The following KLHL5 variants were observed in gnomAD, a reference collection of about 807,000 sequenced individuals.
KLHL5 encodes the protein kelch-like protein 5.
A neutral mutation model predicts 77.7 loss-of-function variants in KLHL5; 48 were observed. The ratio of observed to expected loss-of-function variants is 0.62; its 90% confidence interval spans 0.49 to 0.79. The LOEUF (loss-of-function observed/expected upper bound fraction) is 0.79. Among genes scored for constraint, KLHL5 ranks in the 30% least tolerant of loss-of-function variants. The pLI, the probability that KLHL5 is intolerant of heterozygous loss-of-function variation, is 0.00. For missense variants in KLHL5, 723 were observed against 859.7 expected (o/e 0.84, Z 1.99); for synonymous variants, 260 against 297.0 (o/e 0.88, Z 1.28).
intron 2 of KLHL5, among the ~76,000 whole-genome samples, chr4:39,077,444 A>G (rs1170911895): frequency 2.0e-5 from 3 of 151,992 alleles, no homozygotes; most frequent in African/African-American, 7.3e-5. Context: ...CCTGGGTGAC[A>G]GAGCAAGACT....
At chr4:39,091,113 T>C (rs578037888) in intron 5 of KLHL5, among the ~76,000 whole-genome samples, 2 of 151,728 alleles carry the variant, frequency 1.3e-5, no homozygotes, top group South Asian at 4.2e-4. Context: ...CTCAGCCTTC[T>C]CAGTAGCTGG....
intron 8 of KLHL5, among the ~76,000 whole-genome samples, chr4:39,109,014 C>T (rs528904791): frequency 1.3e-5 from 2 of 152,220 alleles, no homozygotes; most frequent in Non-Finnish European, 1.5e-5. Flanking sequence ...ACCTAAAGTA[C>T]AGTTAATTGA....
At chr4:39,131,467 T>C (rs1291259794), downstream of KLHL5, among the ~76,000 whole-genome samples, 1 of 152,210 alleles carries the variant, frequency 6.6e-6, no homozygotes, top group Admixed American at 6.5e-5. Context: ...CTGGGTACCA[T>C]GTTTGAGTAG....
Position 39,108,205 on chromosome 4 carries a change from T to C in KLHL5, c.1688+474T>C, listed in dbSNP as rs549290281. On this transcript the variant is annotated intron_variant, in intron 8 of 10. Transcript: ENST00000504108. ...AAAACTGGTGAAAACTAGAATGGAT[T>C]TATAAAGAGGTACTCTCTTACCTCT... Among the ~76,000 whole-genome samples, 7 of 152,170 alleles carry C rather than the reference T, an allele frequency of 4.6e-5. No individual in the cohort carries two copies. The South Asian group carries it at 1.5e-3, about 32-fold the overall frequency.
At chr4:39,093,061 C>A (rs1440521378) in intron 5 of KLHL5, 2 of 455,256 alleles carry the variant, frequency 4.4e-6, no homozygotes, top group African/African-American at 4.0e-5. Flanking sequence ...ACGTTCTTGG[C>A]AGCTTTATTC....
the KLHL5 span, among the ~76,000 whole-genome samples, chr4:39,139,012 T>G: frequency 6.6e-6 from 1 of 152,198 alleles, no homozygotes; most frequent in Non-Finnish European, 1.5e-5. Context: ...CTGGGCGTGG[T>G]GGCTCACGCC....
At chr4:39,079,520 T>C (rs527341315) in intron 2 of KLHL5, among the ~76,000 whole-genome samples, 1 of 152,284 alleles carries the variant, frequency 6.6e-6, no homozygotes, top group Admixed American at 6.5e-5. Flanking sequence ...GAAGGCTATT[T>C]CCAGATACCT....
At chr4:39,102,139 A>G (rs565591331) in intron 6 of KLHL5, among the ~76,000 whole-genome samples, 2 of 151,456 alleles carry the variant, frequency 1.3e-5, no homozygotes, top group South Asian at 4.1e-4. Flanking sequence ...CAATAATACT[A>G]GTGCTCTGAT....
At chr4:39,093,739 C>T (rs1720805021) in intron 5 of KLHL5, among the ~76,000 whole-genome samples, 1 of 152,050 alleles carries the variant, frequency 6.6e-6, no homozygotes. Context: ...AACCCTGTCT[C>T]TACTAAAAAT....
chr4:39,046,844 G>C (rs1430362), intron 1 of KLHL5, among the ~76,000 whole-genome samples: 110,980 of 152,096 alleles, frequency 0.73, 40,625 homozygotes, highest in East Asian at 0.82. Flanking sequence ...TTCTGAAGGA[G>C]TGGAGTCACT....
intron 6 of KLHL5, among the ~76,000 whole-genome samples, chr4:39,100,116 A>C (rs775337335): frequency 7.2e-5 from 11 of 152,154 alleles, no homozygotes; most frequent in East Asian, 1.9e-4. Flanking sequence ...AACTTGGTAC[A>C]TGGAAAGGGA....
chr4:39,093,619 G>A (rs138109912), intron 5 of KLHL5, among the ~76,000 whole-genome samples: 75 of 151,664 alleles, frequency 4.9e-4, no homozygotes, highest in African/African-American at 1.4e-3. Flanking sequence ...AGAAATCTAT[G>A]AAGGGGCAAG....
At position 39,086,581 on chromosome 4, in the gene KLHL5, C is replaced by A; in HGVS notation, c.967C>A (p.Leu323Ile). 6.2e-7 allele frequency: 1 copy of A among 1,613,892 alleles called. No individual in the cohort carries two copies. ...ATTACCAGCCAGCGAAATTGCAAAG[C>A]TCTTGGCTAGTGATGACATGAACAT... ...VLLPASEIAK[L>I]LASDDMNIPN... The change falls in exon 5 of 11, where the codon CTC (leucine) becomes ATC (isoleucine). Residue 323 changes from leucine (L) to isoleucine (I), a missense_variant. By Grantham distance (5) the Leu-to-Ile change is conservative. Around this residue, in one of 3 missense-constraint regions of KLHL5, gnomAD observed 288 missense variants for 400.3 expected, o/e 0.72. Coordinates refer to ENST00000504108, the MANE Select transcript of KLHL5 (RefSeq NM_015990.5).
chr4:39,112,209 G>A (rs1055682037), intron 8 of KLHL5, among the ~76,000 whole-genome samples: 2 of 152,130 alleles, frequency 1.3e-5, no homozygotes, highest in Non-Finnish European at 2.9e-5. Flanking sequence ...TTTCAAATTA[G>A]TGCAGTGTAT....
At chr4:39,078,470 G>A (rs570884022) in intron 2 of KLHL5, among the ~76,000 whole-genome samples, 1 of 152,154 alleles carries the variant, frequency 6.6e-6, no homozygotes, top group Non-Finnish European at 1.5e-5. Flanking sequence ...CGAGGTGGGT[G>A]GATCACTTGA....
At chr4:39,084,354 T>C (rs1375786692) in intron 4 of KLHL5, among the ~76,000 whole-genome samples, 1 of 152,176 alleles carries the variant, frequency 6.6e-6, no homozygotes, top group Non-Finnish European at 1.5e-5. Context: ...GAGCAAGTCA[T>C]GTAACCTCTA....
At chr4:39,120,670 G>C (rs1260011257) in intron 10 of KLHL5, among the ~76,000 whole-genome samples, 2 of 152,224 alleles carry the variant, frequency 1.3e-5, no homozygotes, top group African/African-American at 4.8e-5. Flanking sequence ...CAGAGTTACT[G>C]TAAGTGTTCA....
the KLHL5 span, among the ~76,000 whole-genome samples, chr4:39,132,885 CTA>C: frequency 2.0e-5 from 3 of 152,044 alleles, no homozygotes; most frequent in Non-Finnish European, 4.4e-5. Context: ...CTAATTCTAT[CTA>C]GTCTTTCATA....
intron 7 of KLHL5, among the ~76,000 whole-genome samples, chr4:39,105,026 G>A (rs774203392): frequency 1.3e-5 from 2 of 151,956 alleles, no homozygotes; most frequent in Non-Finnish European, 2.9e-5. Context: ...GCCTCCCAAA[G>A]TGCTGGGATT....
Sources: gnomAD v4.1 joint callset for allele counts (sites outside exome capture counted in the v4.1 genomes callset) on GRCh38, gnomAD v4.1.1 for gene constraint, gnomAD v4.1.1 regional missense constraint, MANE v1.5 for transcripts, NCBI Gene and HGNC (gene_info 2026-07-23, HGNC 2026-07-21) for gene names.